Variants in DHX29 observed in about 807,000 individuals in gnomAD.
DHX29 encodes the protein DExH-box helicase 29, also known as ATP-dependent RNA helicase DHX29.
A neutral mutation model predicts 167.9 loss-of-function variants in DHX29; 79 were observed. The ratio of observed to expected loss-of-function variants is 0.47; its 90% CI spans 0.39 to 0.57. The LOEUF (loss-of-function observed/expected upper bound fraction) is 0.57. Among genes scored for constraint, DHX29 ranks in the 20% least tolerant of loss-of-function variants. DHX29 has a pLI of 0.00. For missense variants in DHX29, 1,347 were observed against 1,593.4 expected (o/e 0.85, Z 2.63); for synonymous variants, 530 against 546.0 (o/e 0.97, Z 0.41).
chr5:55,278,989 T>C (rs928595423), intron 12 of DHX29, among the ~76,000 whole-genome samples: 2 of 152,208 alleles, frequency 1.3e-5, no homozygotes, highest in African/African-American at 4.8e-5. Context: ...TAATGCATTT[T>C]AAAGCAGAGG....
At chr5:55,286,530 T>C (rs1257364330) in intron 8 of DHX29, among the ~76,000 whole-genome samples, 1 of 152,212 alleles carries the variant, frequency 6.6e-6, no homozygotes, top group Non-Finnish European at 1.5e-5. Context: ...ATCAGCTGTC[T>C]GCCACCGGCA....
chr5:55,260,527 G>GGCCTGGGGTGTAACATTTTTTAAAATA (rs70992714), intron 25 of DHX29, among the ~76,000 whole-genome samples: 123,703 of 151,704 alleles, frequency 0.82, 51,032 homozygotes, highest in Non-Finnish European at 0.89. Flanking sequence ...CATGGCACCC[G>GGCCTGGGGTGTAACATTTTTTAAAATA]GCTTTATTGA....
chr5:55,278,458 T>C (rs1460853669), intron 12 of DHX29, among the ~76,000 whole-genome samples: 1 of 152,170 alleles, frequency 6.6e-6, no homozygotes, highest in Non-Finnish European at 1.5e-5. Context: ...TAATGCAAAT[T>C]TCACAGAGTT....
chr5:55,290,983 C>G (rs1448898566), intron 6 of DHX29, among the ~76,000 whole-genome samples: 2 of 152,100 alleles, frequency 1.3e-5, no homozygotes, highest in African/African-American at 4.8e-5. Context: ...CCACTGCACT[C>G]CAGCCTGGGT....
chr5:55,285,440 A>T lies in DHX29; in HGVS notation c.1233-24T>A, dbSNP rs1399603008. Reference sequence around the variant, plus strand: ...CCCTACAAAGAAGCAAACGCATTTTAAAAAAATAAAGTTGACAAAGTCAGA... The same window carrying T: ...CCCTACAAAGAAGCAAACGCATTTTTAAAAAATAAAGTTGACAAAGTCAGA... On this transcript the variant is annotated intron_variant, in intron 9 of 26. Transcript: ENST00000251636. The T allele has an allele frequency of 6.4e-6, 10 of 1,570,524 alleles. No individual in the cohort carries two copies. In the Admixed American group the frequency reaches 1.3e-4, roughly 21 times the overall value.
chr5:55,300,545 T>A (rs576932811), intron 1 of DHX29, among the ~76,000 whole-genome samples: 4 of 152,078 alleles, frequency 2.6e-5, no homozygotes, highest in Non-Finnish European at 5.9e-5. Context: ...TGGTGATGCA[T>A]GCCTGTAATC....
Position 55,269,477 on chromosome 5 carries a change from G to T in DHX29, c.3230C>A (p.Pro1077His), listed in dbSNP as rs748570634. ...CATCTTGCCAATCTTGACATTCACA[G>T]GTAAAGCTGCAAGGTGTTGGCCCAA... is the stretch of plus-strand genomic sequence containing the variant. ...TPLGQHLAALPVNVKIGKMLI... is the reference protein window; with the variant it reads ...TPLGQHLAALHVNVKIGKMLI... The change falls in exon 21 of 27, where the codon CCT becomes CAT. Residue 1077 changes from proline to histidine, a missense_variant. Physicochemically the swap from Pro to His is moderately conservative, Grantham distance 77. Around this residue, in one of 3 missense-constraint regions of DHX29, gnomAD observed 882 missense variants for 1,082.4 expected, o/e 0.81. Transcript: ENST00000251636. 2.5e-6 allele frequency: 4 copies of T among 1,613,856 alleles called. No individual in the cohort carries two copies. Among genetic ancestry groups the T allele is most frequent in the African/African-American group, 1.3e-5 (1 of 74,902 alleles).
Position 55,274,698 on chromosome 5 carries a change from G to T in DHX29, c.2606C>A (p.Ala869Glu), listed in dbSNP as rs1158440096. The stretch of plus-strand genomic sequence containing the variant: ...AAGTCCTGGTAAAAAGATCAATACT[G>T]CTCCTTCAATATTTCTGAATTGGGG... ...KSPQFRNIEG[A>E]VLIFLPGLAH... Residue 869 changes from alanine (A) to glutamate (E), a missense_variant, in exon 16 of 27, where the codon GCA becomes GAA. Ala to Glu is a moderately radical substitution (Grantham distance 107). This residue lies in a region of DHX29 where 882 missense variants were observed against 1,082.4 expected (regional missense o/e 0.81). Coordinates refer to ENST00000251636, the MANE Select transcript of DHX29 (RefSeq NM_019030.4). The T allele has an allele frequency of 4.4e-6, 7 of 1,597,366 alleles. No individual in the cohort carries two copies. The South Asian group carries it at 8.0e-5, about 18-fold the overall frequency.
chr5:55,269,286 G>C, intron 21 of DHX29, 127 bp downstream of exon 21: 2 of 830,976 alleles, frequency 2.4e-6, no homozygotes, highest in Non-Finnish European at 3.7e-6. Flanking sequence ...AGGCCCTCTC[G>C]GTTTTAATGT....
In DHX29 at chr5:55,264,850, C is replaced by T. The variant is rs117090331; in HGVS notation, c.3526-1918G>A. 1.0e-3 allele frequency among the ~76,000 whole-genome samples: 159 copies of T among 152,068 alleles called. 2 individuals carry two copies. The East Asian group carries it at 0.028, about 26-fold the overall frequency. On this transcript the variant is annotated intron_variant, in intron 23 of 26. Transcript: ENST00000251636. ...CCTAATTTTCTTGTATAGACTGTAC[C>T]TCAGGGTATTCAAATATTGATAAGG...
At chr5:55,299,736 A>G (rs1435478481) in intron 1 of DHX29, among the ~76,000 whole-genome samples, 2 of 152,080 alleles carry the variant, frequency 1.3e-5, no homozygotes, top group Non-Finnish European at 2.9e-5. Flanking sequence ...TAAATCTAGT[A>G]TAATTTCATC....
At chr5:55,301,551 T>C (rs982019902) in intron 1 of DHX29, among the ~76,000 whole-genome samples, 3 of 151,470 alleles carry the variant, frequency 2.0e-5, no homozygotes, top group Non-Finnish European at 4.4e-5. Flanking sequence ...CCATCTCTAC[T>C]AAAAATACAA....
chr5:55,268,290 G>T (rs1579761198), intron 21 of DHX29, among the ~76,000 whole-genome samples: 1 of 152,174 alleles, frequency 6.6e-6, no homozygotes, highest in South Asian at 2.1e-4. Context: ...ATTTGTTGTT[G>T]TAGGTTTTCA....
intron 1 of DHX29, among the ~76,000 whole-genome samples, chr5:55,299,703 A>AT (rs774337479): frequency 6.6e-6 from 1 of 151,844 alleles, no homozygotes; most frequent in Non-Finnish European, 1.5e-5. Flanking sequence ...CTTGACATTC[A>AT]TTATTGGATT....
intron 6 of DHX29, 21 bp from the exon 7 acceptor site, chr5:55,290,365 A>T: frequency 6.4e-7 from 1 of 1,559,280 alleles, no homozygotes; most frequent in Non-Finnish European, 8.6e-7. Context: ...TAAAACAATG[A>T]GGAGGGGGAA....
At position 55,283,354 on chromosome 5, in the gene DHX29, A is replaced by T. The variant is rs758606141; in HGVS notation, c.1814T>A (p.Val605Glu). 1.2e-6 allele frequency: 2 copies of T among 1,614,158 alleles called. No individual in the cohort carries two copies. The highest frequency in any genetic ancestry group is 2.2e-5 in the South Asian group (2 of 91,078). Residue 605 changes from valine to glutamate, a missense_variant, in exon 11 of 27, where the codon GTA (valine) becomes GAA (glutamate). By Grantham distance (121) the Val-to-Glu change is moderately radical (BLOSUM62 -2). Around this residue, in one of 3 missense-constraint regions of DHX29, gnomAD observed 882 missense variants for 1,082.4 expected, o/e 0.81. Transcript: ENST00000251636. ...CAAATCTTCCAATAGAAAATGTGGT[A>T]CCTGAGTACTTTTACCACTCCCTGT... ...GETGSGKSTQ[V>E]PHFLLEDLLL... is the part of the protein sequence containing the mutation.
At position 55,307,601 on chromosome 5, in the gene DHX29, C is replaced by A; in HGVS notation, c.-28G>T. On this transcript the variant is annotated 5_prime_UTR_variant, in exon 1 of 27. Transcript: ENST00000251636. ...TGCAGCTGTGGCAGAAGATCCTTCGCGGCCCAGGCCCCGACGGTACCACTG... is the reference window on the plus strand; with the variant it reads ...TGCAGCTGTGGCAGAAGATCCTTCGAGGCCCAGGCCCCGACGGTACCACTG... 6.2e-7 allele frequency: 1 copy of A among 1,610,974 alleles called. No individual in the cohort carries two copies. Among genetic ancestry groups the A allele is most frequent in the South Asian group, 1.1e-5 (1 of 90,972 alleles).
intron 1 of DHX29, among the ~76,000 whole-genome samples, chr5:55,299,051 A>G (rs1748472668): frequency 6.6e-6 from 1 of 151,730 alleles, no homozygotes; most frequent in Non-Finnish European, 1.5e-5. Flanking sequence ...AAAAAAAAAA[A>G]AAAAAAAAGA....
Position 55,295,310 on chromosome 5 carries a change from A to G in DHX29, c.651+69T>C, listed in dbSNP as rs546072763. The G allele has an allele frequency of 2.6e-6, 3 of 1,173,078 alleles. No homozygotes were observed. The South Asian group carries it at 4.1e-5, about 16-fold the overall frequency. The allele number at this position is 1,173,078 out of a possible 1,614,324, so 72.7% of individuals were successfully genotyped here. A position where few individuals can be genotyped will look rare whatever the true frequency, so the allele number is the denominator to read the frequency against. On this transcript the variant is annotated intron_variant, in intron 5 of 26. Transcript: ENST00000251636. ...AATGTTATAGAAACCTAATATTTAT[A>G]CTCTTTGAACTGTTACATGTGCTCC...
Sources: allele counts gnomAD v4.1 joint callset (sites outside exome capture counted in the v4.1 genomes callset), GRCh38; gene constraint gnomAD v4.1.1; regional missense constraint gnomAD v4.1.1; transcripts MANE v1.5; gene names NCBI Gene and HGNC (gene_info 2026-07-23, HGNC 2026-07-21).